OPCML: variants seen among roughly 807,000 people sequenced by gnomAD.
OPCML encodes the protein opioid-binding protein/cell adhesion molecule.
OPCML carries 13 observed loss-of-function variants against 37.8 expected under a neutral mutation model. That is an observed-to-expected ratio of 0.34 (90% CI 0.22 to 0.55). OPCML has a LOEUF of 0.55. Ranked by LOEUF, OPCML falls within the 20% of genes least tolerant of loss-of-function variation. OPCML has a pLI of 0.91. For synonymous variants in OPCML, 176 were observed against 168.8 expected (o/e 1.04, Z -0.33); for missense variants, 341 against 435.6 (o/e 0.78, Z 1.93).
chr11:133,510,907 A>G (rs1042300777), intron 1 of OPCML, among the ~76,000 whole-genome samples: 3 of 151,648 alleles, frequency 2.0e-5, no homozygotes, highest in Non-Finnish European at 4.4e-5. Context: ...ACACACGCAC[A>G]CACACACACA....
intron 3 of OPCML, among the ~76,000 whole-genome samples, chr11:132,593,152 C>A (rs1286617315): frequency 6.6e-6 from 1 of 152,106 alleles, no homozygotes; most frequent in African/African-American, 2.4e-5. Flanking sequence ...TGGCACTGGG[C>A]AGGAGCCTGT....
chr11:133,044,388 C>G (rs1398538966), intron 1 of OPCML, among the ~76,000 whole-genome samples: 2 of 152,042 alleles, frequency 1.3e-5, no homozygotes, highest in African/African-American at 4.8e-5. Flanking sequence ...GCATGGGGAA[C>G]AGAGAACAGG....
intron 1 of OPCML, among the ~76,000 whole-genome samples, chr11:133,194,528 T>G (rs558512926): frequency 5.3e-5 from 8 of 152,206 alleles, no homozygotes; most frequent in African/African-American, 1.4e-4. Context: ...TTTCTACATT[T>G]ATCACTATCA....
chr11:132,528,869 A>T (rs1166827031), intron 4 of OPCML, among the ~76,000 whole-genome samples, 192 bp downstream of exon 4: 1 of 152,236 alleles, frequency 6.6e-6, no homozygotes, highest in East Asian at 1.9e-4. Context: ...AATGACTGAC[A>T]CCATCATTTA....
intron 1 of OPCML, chr11:133,299,601 T>C (rs1353713606): frequency 2.6e-5 from 4 of 152,210 alleles, no homozygotes; most frequent in Admixed American, 2.6e-4. Flanking sequence ...TTAATACGTA[T>C]GAGAAAGTGA....
intron 2 of OPCML, among the ~76,000 whole-genome samples, chr11:132,698,318 G>C (rs774343490): frequency 1.3e-5 from 2 of 152,068 alleles, no homozygotes; most frequent in African/African-American, 2.4e-5. Context: ...CTTTTGTCAT[G>C]CTGACAACTG....
chr11:132,943,218 G>A lies in OPCML; in HGVS notation c.62-208C>T, dbSNP rs995322935. 3.4e-5 allele frequency: 49 copies of A among 1,431,884 alleles called. No homozygotes were observed. Among genetic ancestry groups the A allele is most frequent in the Middle Eastern group, 1.8e-4 (1 of 5,544 alleles). The allele number at this position is 1,431,884 out of a possible 1,614,324, so 88.7% of individuals were successfully genotyped here. On this transcript the variant is annotated intron_variant, in intron 1 of 7. Coordinates refer to ENST00000524381, the MANE Select transcript of OPCML (RefSeq NM_001012393.5). The surrounding 1 kb of genome is among the most constrained non-coding windows in gnomAD (Gnocchi z 4.3). Reference sequence around the variant, plus strand: ...GGGGCAGAGTTCGCCAGGAGCAGGGGGAAGGAGAAGAGAGGAGTCCGGGCT... The same window carrying A: ...GGGGCAGAGTTCGCCAGGAGCAGGGAGAAGGAGAAGAGAGGAGTCCGGGCT...
At chr11:132,787,311 T>C (rs1947248057) in intron 2 of OPCML, among the ~76,000 whole-genome samples, 1 of 152,232 alleles carries the variant, frequency 6.6e-6, no homozygotes, top group South Asian at 2.1e-4. Flanking sequence ...TGAGCTTAAA[T>C]TCCTTTATCC....
At position 133,193,597 on chromosome 11, in the gene OPCML, T is replaced by C. The variant is rs1433308220; in HGVS notation, c.62-250587A>G. ...GTAATTCAAATACTTTCTTTCATGA[T>C]AAACACCTGCTCCTTTTGGAAACAG... On this transcript the variant is annotated intron_variant, in intron 1 of 7. Transcript: ENST00000524381. Among the ~76,000 whole-genome samples the C allele has an allele frequency of 3.3e-5, 5 of 152,200 alleles. No homozygotes were observed. The South Asian group carries it at 1.0e-3, about 31-fold the overall frequency.
At chr11:132,544,752 G>A (rs890909053) in intron 3 of OPCML, among the ~76,000 whole-genome samples, 1 of 152,082 alleles carries the variant, frequency 6.6e-6, no homozygotes, top group Non-Finnish European at 1.5e-5. Flanking sequence ...GGGCCTCCAG[G>A]GTCAGTGAAG....
At chr11:132,866,902 T>C (rs955055433) in intron 2 of OPCML, among the ~76,000 whole-genome samples, 13 of 152,244 alleles carry the variant, frequency 8.5e-5, no homozygotes, top group Non-Finnish European at 1.8e-4. Flanking sequence ...TGTATAATGT[T>C]ATTGCTCATT....
At chr11:132,755,744 C>A (rs78561663) in intron 2 of OPCML, among the ~76,000 whole-genome samples, 1,599 of 152,288 alleles carry the variant, frequency 0.01, 14 homozygotes, top group Middle Eastern at 0.031. Context: ...TAATATGTCA[C>A]CATTTTATAA....
At chr11:133,061,628 C>T (rs1441343055) in intron 1 of OPCML, among the ~76,000 whole-genome samples, 1 of 152,186 alleles carries the variant, frequency 6.6e-6, no homozygotes, top group Non-Finnish European at 1.5e-5. Context: ...TAGTCTTACA[C>T]TCATACATCA....
At chr11:132,611,239 T>G (rs1938620389) in intron 3 of OPCML, among the ~76,000 whole-genome samples, 1 of 152,200 alleles carries the variant, frequency 6.6e-6, no homozygotes, top group African/African-American at 2.4e-5. Flanking sequence ...TAGATTTAGA[T>G]GCAGAGAGGA....
At chr11:132,794,562 G>A (rs1401697801) in intron 2 of OPCML, among the ~76,000 whole-genome samples, 1 of 151,980 alleles carries the variant, frequency 6.6e-6, no homozygotes, top group East Asian at 1.9e-4. Context: ...CCTGCTTCCT[G>A]GCTCCCTCCC....
chr11:133,251,788 C>T (rs1173594245), intron 1 of OPCML, among the ~76,000 whole-genome samples: 1 of 152,208 alleles, frequency 6.6e-6, no homozygotes, highest in South Asian at 2.1e-4. Flanking sequence ...TGAAGGCAGA[C>T]ATTTCCCTGT....
chr11:133,190,874 C>T (rs868858058), intron 1 of OPCML, among the ~76,000 whole-genome samples: 37 of 152,086 alleles, frequency 2.4e-4, no homozygotes, highest in Middle Eastern at 6.8e-3. Context: ...TTCTACTTAT[C>T]CATTATTCAA....
At chr11:132,760,575 T>C (rs192181836) in intron 2 of OPCML, among the ~76,000 whole-genome samples, 1 of 150,774 alleles carries the variant, frequency 6.6e-6, no homozygotes, top group South Asian at 2.1e-4. Context: ...TTTTTTTTTT[T>C]ATCTTTGTTG....
chr11:132,902,826 A>G (rs1944108591), intron 2 of OPCML, among the ~76,000 whole-genome samples: 1 of 152,160 alleles, frequency 6.6e-6, no homozygotes, highest in African/African-American at 2.4e-5. Flanking sequence ...AGAATCAAGG[A>G]GACTAAAAGT....
Sources: gnomAD v4.1 joint callset for allele counts (sites outside exome capture counted in the v4.1 genomes callset) on GRCh38, gnomAD v4.1.1 for gene constraint, Gnocchi (gnomAD v3.1) non-coding constraint, MANE v1.5 for transcripts, NCBI Gene and HGNC (gene_info 2026-07-23, HGNC 2026-07-21) for gene names.